The following CYB5A variants were observed in gnomAD, a reference collection of about 807,000 sequenced individuals.
CYB5A encodes the protein cytochrome b5 type A.
A neutral mutation model predicts 16.2 loss-of-function variants in CYB5A; 10 were observed. The observed-to-expected ratio is 0.62, with a 90% confidence interval of 0.38 to 1.04. The LOEUF (loss-of-function observed/expected upper bound fraction) is 1.04. Ranked by LOEUF, CYB5A falls within the 50% of genes least tolerant of loss-of-function variation. The probability of loss-of-function intolerance (pLI) is 0.01; values close to 1 mark genes in which losing one functional copy is unlikely to be tolerated. For missense variants in CYB5A, 161 were observed against 165.9 expected (o/e 0.97, Z 0.16); for synonymous variants, 62 against 57.0 (o/e 1.09, Z -0.40).
At chr18:74,272,636 C>T (rs1235251800) in intron 1 of CYB5A, among the ~76,000 whole-genome samples, 7 of 152,094 alleles carry the variant, frequency 4.6e-5, no homozygotes, top group East Asian at 1.9e-4. Context: ...AGTTTTATGG[C>T]GGCCGGGCAC....
intron 1 of CYB5A, among the ~76,000 whole-genome samples, chr18:74,271,761 G>A (rs1164871155): frequency 1.3e-5 from 2 of 152,230 alleles, no homozygotes; most frequent in African/African-American, 4.8e-5. Context: ...TACCTTGTGT[G>A]CAAACTATCT....
chr18:74,288,742 G>C (rs918630010), intron 1 of CYB5A, among the ~76,000 whole-genome samples: 8 of 152,214 alleles, frequency 5.3e-5, no homozygotes, highest in Non-Finnish European at 1.5e-5. Flanking sequence ...ATCCTGGCTA[G>C]AGTCTCAGAT....
chr18:74,265,963 A>G (rs1054236), intron 1 of CYB5A, among the ~76,000 whole-genome samples: 4,880 of 152,278 alleles, frequency 0.032, 176 homozygotes, highest in African/African-American at 0.097. Flanking sequence ...ACAGGTGCAA[A>G]CCATGTCAGT....
chr18:74,259,182 T>A (rs1157100302), intron 3 of CYB5A: 1 of 152,180 alleles, frequency 6.6e-6, no homozygotes, highest in Non-Finnish European at 1.5e-5. Flanking sequence ...AAAAAGTTAG[T>A]GTGATTCTCA....
chr18:74,255,834 G>A (rs374815937), intron 3 of CYB5A, 59 bp from the exon 4 acceptor site: 418 of 1,290,270 alleles, frequency 3.2e-4, no homozygotes, highest in Non-Finnish European at 4.5e-4. Context: ...TTATTTCATT[G>A]ACTAAAATCC....
At chr18:74,257,266 G>A (rs8096066) in intron 3 of CYB5A, 152,779 of 232,706 alleles carry the variant, frequency 0.66, 51,337 homozygotes, top group Middle Eastern at 0.75. Flanking sequence ...ATGGGAGAGC[G>A]CTAAGGTTAA....
At chr18:74,258,484 C>A (rs1208559620) in intron 3 of CYB5A, 3 of 152,212 alleles carry the variant, frequency 2.0e-5, no homozygotes, top group African/African-American at 7.2e-5. Context: ...AGCTAATAAT[C>A]TTTACTGCAT....
intron 1 of CYB5A, among the ~76,000 whole-genome samples, chr18:74,276,990 T>A (rs907848608): frequency 6.6e-6 from 1 of 152,194 alleles, no homozygotes; most frequent in Non-Finnish European, 1.5e-5. Flanking sequence ...TTCTGGAGTT[T>A]TAAACAGGAT....
intron 2 of CYB5A, among the ~76,000 whole-genome samples, chr18:74,262,793 G>A (rs1320937917): frequency 6.6e-6 from 1 of 152,202 alleles, no homozygotes; most frequent in Non-Finnish European, 1.5e-5. Context: ...TTCTAGGACT[G>A]AGCAGACTCC....
intron 1 of CYB5A, 77 bp downstream of exon 1, chr18:74,291,670 G>C: frequency 1.2e-6 from 2 of 1,604,516 alleles, no homozygotes; most frequent in Non-Finnish European, 1.7e-6. Context: ...TCCGGGCCGC[G>C]AAAGACAGGT....
intron 1 of CYB5A, among the ~76,000 whole-genome samples, chr18:74,263,921 TA>T (rs985255199): frequency 1.3e-5 from 2 of 149,580 alleles, no homozygotes; most frequent in East Asian, 2.0e-4. Flanking sequence ...AAGATAAAAG[TA>T]AAAAAAAATT....
rs201092812 is a variant in CYB5A at position 74,253,630 on chromosome 18, G to A, written c.359C>T (p.Ala120Val). 28 of 1,613,366 alleles carry A rather than the reference G, an allele frequency of 1.7e-5. No homozygotes were observed. In the Admixed American group the frequency reaches 2.2e-4, roughly 12 times the overall value. Residue 120 changes from alanine to valine, a missense_variant, in exon 5 of 5, where the codon GCA (alanine) becomes GTA (valine). By Grantham distance (64) the Ala-to-Val change is moderately conservative (BLOSUM62 0). Transcript: ENST00000340533. ...GCGATACATCAAGGCGACGGCCACT[G>A]CAGAGATGGCAGGGATCACCCAGTT... Reference protein sequence around the residue: ...WTNWVIPAISAVAVALMYRLY... With the variant: ...WTNWVIPAISVVAVALMYRLY...
chr18:74,289,263 A>T (rs569893943), intron 1 of CYB5A, among the ~76,000 whole-genome samples: 149 of 152,252 alleles, frequency 9.8e-4, no homozygotes, highest in Non-Finnish European at 2.0e-3. Context: ...TTCTCGGAAA[A>T]TTTTTTGCAC....
intron 1 of CYB5A, 103 bp downstream of exon 1, chr18:74,291,644 G>T: frequency 6.5e-7 from 1 of 1,546,292 alleles, no homozygotes; most frequent in Middle Eastern, 1.7e-4. Flanking sequence ...GCGCGCCTAG[G>T]CGTAGGTATG....
chr18:74,287,916 C>T (rs1983377322), intron 1 of CYB5A, among the ~76,000 whole-genome samples: 1 of 152,102 alleles, frequency 6.6e-6, no homozygotes, highest in South Asian at 2.1e-4. Context: ...CCTAAGTTTT[C>T]ATTTCAAATA....
At chr18:74,265,567 G>A (rs1195408896) in intron 1 of CYB5A, among the ~76,000 whole-genome samples, 1 of 152,200 alleles carries the variant, frequency 6.6e-6, no homozygotes, top group Non-Finnish European at 1.5e-5. Flanking sequence ...ACTTTCCAGT[G>A]TCTCTATGTT....
At chr18:74,291,089 C>A (rs1365439108) in intron 1 of CYB5A, 2 of 166,058 alleles carry the variant, frequency 1.2e-5, no homozygotes, top group East Asian at 1.9e-4. Context: ...GCAAGGTCGG[C>A]CAGTGGCTGC....
At chr18:74,287,160 GT>G (rs1396252731) in intron 1 of CYB5A, among the ~76,000 whole-genome samples, 1 of 151,544 alleles carries the variant, frequency 6.6e-6, no homozygotes, top group Non-Finnish European at 1.5e-5. Context: ...TAATTTCTAA[GT>G]TTTATTTACC....
intron 1 of CYB5A, among the ~76,000 whole-genome samples, chr18:74,284,232 C>CAAA (rs1568224908): frequency 2.1e-4 from 21 of 100,180 alleles, no homozygotes; most frequent in African/African-American, 9.5e-4. Flanking sequence ...AACTCCATCT[C>CAAA]CAAAAAAAAA....
Sources: allele counts gnomAD v4.1 joint callset (sites outside exome capture counted in the v4.1 genomes callset), GRCh38; gene constraint gnomAD v4.1.1; transcripts MANE v1.5; gene names NCBI Gene and HGNC (gene_info 2026-07-23, HGNC 2026-07-21).